The following VPS13B variants were observed in gnomAD, a reference collection of about 807,000 sequenced individuals.
VPS13B encodes intermembrane lipid transfer protein VPS13B.
VPS13B carries 285 observed loss-of-function variants against 426.4 expected under a neutral mutation model. The observed-to-expected ratio is 0.67, with a 90% confidence interval of 0.61 to 0.74. The LOEUF (loss-of-function observed/expected upper bound fraction) is 0.74, where lower values mean the gene tolerates loss of function less well. Ranked by LOEUF, VPS13B falls within the 30% of genes least tolerant of loss-of-function variation. The probability of loss-of-function intolerance (pLI) is 0.00; values close to 1 mark genes in which losing one functional copy is unlikely to be tolerated. For missense variants in VPS13B, 4,537 were observed against 4,782.6 expected (o/e 0.95, Z 1.51); for synonymous variants, 1,676 against 1,676.4 (o/e 1.00, Z 0.01).
chr8:99,699,560 G>A lies in VPS13B; in HGVS notation c.6082G>A (p.Ala2028Thr), dbSNP rs1310217789. ...VNLDISKPLKANLSFTKLDQI... is the reference protein window; with the variant it reads ...VNLDISKPLKTNLSFTKLDQI... ...TTTGGATATATCAAAGCCTTTGAAA[G>A]CAAACCTGAGTTTCACCAAACTGGA... Residue 2028 changes from alanine to threonine, a missense_variant, in exon 36 of 62, where the codon GCA (alanine) becomes ACA (threonine). Transcript: ENST00000357162. 3 of 1,613,894 alleles carry A rather than the reference G, an allele frequency of 1.9e-6. No individual in the cohort carries two copies. The highest frequency in any genetic ancestry group is 1.7e-4 in the Middle Eastern group (1 of 5,968).
rs543664159 is a variant in VPS13B at position 99,662,217 on chromosome 8, GT to G, written c.6046+733del. Among the ~76,000 whole-genome samples the G allele has an allele frequency of 5.0e-3, 762 of 152,062 alleles. 4 individuals carry two copies. Among genetic ancestry groups the G allele is most frequent in the Non-Finnish European group, 6.3e-3 (430 of 67,974 alleles). Reference sequence around the variant, plus strand: ...CTACACTAATTTGGGCATAACTAAAGTTTTTTTCTTTATTCCTCGATCTTCC... The same window carrying G: ...CTACACTAATTTGGGCATAACTAAAGTTTTTTCTTTATTCCTCGATCTTCC... On this transcript the variant is annotated intron_variant, in intron 35 of 61. Transcript: ENST00000357162.
intron 17 of VPS13B, among the ~76,000 whole-genome samples, chr8:99,208,419 A>G (rs1387964694): frequency 6.6e-6 from 1 of 152,096 alleles, no homozygotes; most frequent in African/African-American, 2.4e-5. Flanking sequence ...AAATTGTAAT[A>G]TTTCATAATT....
chr8:99,014,606 C>T (rs2132129031), intron 2 of VPS13B, among the ~76,000 whole-genome samples: 2 of 149,254 alleles, frequency 1.3e-5, no homozygotes, highest in Non-Finnish European at 3.0e-5. Context: ...GAAAACATCA[C>T]ATTCTCATTC....
chr8:99,265,574 C>A (rs1485431175), intron 17 of VPS13B, among the ~76,000 whole-genome samples: 1 of 152,072 alleles, frequency 6.6e-6, no homozygotes, highest in African/African-American at 2.4e-5. Flanking sequence ...CCAAAGTAAA[C>A]CCTTTAGTCT....
intron 19 of VPS13B, among the ~76,000 whole-genome samples, chr8:99,374,591 T>C (rs565989478): frequency 3.3e-5 from 5 of 152,278 alleles, no homozygotes; most frequent in African/African-American, 1.2e-4. Context: ...TAGTTTTTAA[T>C]GTAATGTCAA....
intron 23 of VPS13B, among the ~76,000 whole-genome samples, chr8:99,455,078 T>C (rs749401244): frequency 6.6e-6 from 1 of 152,122 alleles, no homozygotes; most frequent in Non-Finnish European, 1.5e-5. Context: ...TTCTCTTGAG[T>C]GTTTTTGTTT....
chr8:99,736,402 G>C (rs1220442644), intron 39 of VPS13B, among the ~76,000 whole-genome samples: 1 of 152,144 alleles, frequency 6.6e-6, no homozygotes, highest in East Asian at 1.9e-4. Context: ...GTGAAACCCC[G>C]TCTCTACTAA....
chr8:99,844,838 A>T (rs944666743), intron 54 of VPS13B, among the ~76,000 whole-genome samples: 1 of 152,080 alleles, frequency 6.6e-6, no homozygotes, highest in African/African-American at 2.4e-5. Context: ...CATTTCTGGA[A>T]TCTCTCTATT....
chr8:99,485,506 C>T (rs1820254495), intron 25 of VPS13B, among the ~76,000 whole-genome samples: 1 of 152,102 alleles, frequency 6.6e-6, no homozygotes. Flanking sequence ...TTGGATGGGA[C>T]TAGGGTGAAT....
chr8:99,694,750 G>C (rs546775174), intron 35 of VPS13B, among the ~76,000 whole-genome samples: 23 of 152,044 alleles, frequency 1.5e-4, no homozygotes, highest in African/African-American at 5.6e-4. Flanking sequence ...CACCATCAGA[G>C]TGAACAGGCA....
chr8:99,270,520 A>C (rs1309101169), intron 17 of VPS13B, among the ~76,000 whole-genome samples: 1 of 152,158 alleles, frequency 6.6e-6, no homozygotes, highest in East Asian at 1.9e-4. Flanking sequence ...AGAAATACTT[A>C]TTATTTATGA....
chr8:99,233,774 C>G (rs1283643507), intron 17 of VPS13B: 2 of 779,228 alleles, frequency 2.6e-6, no homozygotes, highest in Admixed American at 1.7e-5. Context: ...GCCTTCTTTT[C>G]CAATCAGTCT....
intron 2 of VPS13B, among the ~76,000 whole-genome samples, chr8:99,014,367 C>T (rs1259080368): frequency 1.3e-5 from 2 of 151,894 alleles, no homozygotes; most frequent in East Asian, 3.9e-4. Context: ...ATCCGCCCGC[C>T]TCAGTCTTCC....
At position 99,360,180 on chromosome 8, in the gene VPS13B, TTCTTTCTTTCTCTC is replaced by T. The variant is rs1165174309; in HGVS notation, c.2825-24024_2825-24011del. Among the ~76,000 whole-genome samples the T allele has an allele frequency of 3.0e-3, 121 of 40,786 alleles. 1 individual carries two copies. Among genetic ancestry groups the T allele is most frequent in the African/African-American group, 0.01 (91 of 8,846 alleles). The allele number at this position is 40,786 out of a possible 152,430, so 26.8% of individuals were successfully genotyped here. On this transcript the variant is annotated intron_variant, in intron 19 of 61. Coordinates refer to ENST00000357162, the MANE Select transcript of VPS13B (RefSeq NM_152564.5). ...TTTCTTTCTTTCTTTCTTTCTTTCT[TTCTTTCTTTCTCTC>T]TCTCTCTCTCTCTCTCTTTCTTTCT...
chr8:99,241,826 A>G (rs559110323), intron 17 of VPS13B, among the ~76,000 whole-genome samples: 4 of 152,324 alleles, frequency 2.6e-5, no homozygotes, highest in Non-Finnish European at 5.9e-5. Flanking sequence ...CTTCAAATTA[A>G]TATTTGCAAA....
chr8:99,377,648 T>A (rs1372278888), intron 19 of VPS13B, among the ~76,000 whole-genome samples: 1 of 152,220 alleles, frequency 6.6e-6, no homozygotes, highest in African/African-American at 2.4e-5. Context: ...GGTTCTTTTC[T>A]ATTTTCCCTA....
At chr8:99,024,306 T>C (rs1452736958) in intron 2 of VPS13B, among the ~76,000 whole-genome samples, 3 of 152,236 alleles carry the variant, frequency 2.0e-5, no homozygotes, top group African/African-American at 7.2e-5. Flanking sequence ...ATGTGTGCTA[T>C]TGAGTTGTTT....
In VPS13B at chr8:99,151,476, G is replaced by A. The variant is rs114980939; in HGVS notation, c.2013+3466G>A. Among the ~76,000 whole-genome samples the A allele has an allele frequency of 4.2e-3, 645 of 151,906 alleles. 8 individuals carry two copies. The highest frequency in any genetic ancestry group is 0.015 in the African/African-American group (602 of 41,446). ...AAGGTCATCAGCTTGTATCCTTTAC[G>A]AATTGGTCCATTTCATCTAGGTTAT... is the stretch of plus-strand genomic sequence containing the variant. On this transcript the variant is annotated intron_variant, in intron 14 of 61. Coordinates refer to ENST00000357162, the MANE Select transcript of VPS13B (RefSeq NM_152564.5).
At chr8:99,234,086 C>G (rs1214338172) in intron 17 of VPS13B, 1 of 785,338 alleles carries the variant, frequency 1.3e-6, no homozygotes, top group Non-Finnish European at 2.3e-6. Flanking sequence ...TGAGAAGAGC[C>G]CCCAGGGCGT....
Sources: gnomAD v4.1 joint callset for allele counts (sites outside exome capture counted in the v4.1 genomes callset) on GRCh38, gnomAD v4.1.1 for gene constraint, MANE v1.5 for transcripts, NCBI Gene and HGNC (gene_info 2026-07-23, HGNC 2026-07-21) for gene names.